The following NALF2 variants were observed in gnomAD, a reference collection of about 807,000 sequenced individuals.
The protein encoded by NALF2 is NALCN channel auxiliary factor 2.
A neutral mutation model predicts 24.8 loss-of-function variants in NALF2; 1 was observed. The observed-to-expected ratio is 0.04, with a 90% CI of 0.01 to 0.19. The LOEUF (loss-of-function observed/expected upper bound fraction) is 0.19. Among genes scored for constraint, NALF2 ranks in the 10% least tolerant of loss-of-function variants. NALF2 has a pLI of 1.00. For synonymous variants in NALF2, 254 were observed against 189.8 expected (o/e 1.34, Z -2.78); for missense variants, 458 against 409.6 (o/e 1.12, Z -1.02).
intron 1 of NALF2, among the ~76,000 whole-genome samples, chrX:69,522,552 G>T (rs1930748050): frequency 8.9e-6 from 1 of 112,131 alleles, no homozygotes; most frequent in South Asian, 3.7e-4. Context: ...TGAGAAGCAG[G>T]ACAGCTGTTG....
chrX:69,528,856 C>A, intron 1 of NALF2, 137 bp from the exon 2 acceptor site: 1 of 557,942 alleles, frequency 1.8e-6, no homozygotes, highest in Non-Finnish European at 2.7e-6. Context: ...CCAAGCCCTT[C>A]TTCCTCTCTA....
At chrX:69,508,324 G>C (rs899338312) in intron 1 of NALF2, among the ~76,000 whole-genome samples, 1 of 111,553 alleles carries the variant, frequency 9.0e-6, no homozygotes, top group Non-Finnish European at 1.9e-5. Context: ...GGTGCAAGGG[G>C]ATCAAATGGT....
chrX:69,525,982 TC>T (rs1318338388), intron 1 of NALF2, among the ~76,000 whole-genome samples: 1 of 111,204 alleles, frequency 9.0e-6, no homozygotes, highest in Non-Finnish European at 1.9e-5. Context: ...CTTTTCCCGT[TC>T]CTTTTCACAT....
chrX:69,528,668 T>G (rs987146571), intron 1 of NALF2, among the ~76,000 whole-genome samples: 1 of 112,218 alleles, frequency 8.9e-6, no homozygotes, highest in Non-Finnish European at 1.9e-5. Context: ...TTGGACCAAG[T>G]GTAAAATGAC....
At chrX:69,527,866 T>C (rs1930830355) in intron 1 of NALF2, among the ~76,000 whole-genome samples, 1 of 111,947 alleles carries the variant, frequency 8.9e-6, no homozygotes, top group Admixed American at 9.4e-5. Context: ...ATGCTGCTGG[T>C]CCAGGTCCAC....
intron 1 of NALF2, among the ~76,000 whole-genome samples, chrX:69,509,118 T>C (rs1930541948): frequency 1.8e-5 from 2 of 112,167 alleles, no homozygotes; most frequent in African/African-American, 6.5e-5. Flanking sequence ...ATTTCCTTAA[T>C]GTGCAACTGA....
chrX:69,514,684 A>G (rs1383680438), intron 1 of NALF2, among the ~76,000 whole-genome samples: 1 of 111,911 alleles, frequency 8.9e-6, no homozygotes, highest in African/African-American at 3.3e-5. Flanking sequence ...TTTACATTAT[A>G]TTACATTTTA....
In NALF2 at chrX:69,505,809, C is replaced by T. The variant is rs1418908754; in HGVS notation, c.527C>T (p.Pro176Leu). 1.5e-5 allele frequency: 18 copies of T among 1,208,531 alleles called. No homozygotes were observed. Among genetic ancestry groups the T allele is most frequent in the Non-Finnish European group, 1.9e-5 (17 of 894,088 alleles). Residue 176 changes from proline (P) to leucine (L), a missense_variant, in exon 1 of 3, where the codon CCG becomes CTG. Physicochemically the swap from Pro to Leu is moderately conservative, Grantham distance 98. Coordinates refer to ENST00000252338, the MANE Select transcript of NALF2 (RefSeq NM_015686.3). ...CCCCCTGACTCCCTTTCCCGTGCCC[C>T]GGCCGAGTTCCCCTCCGCCAAAAAA... ...LRPPDSLSRA[P>L]AEFPSAKKNL...
chrX:69,529,135 A>T lies in NALF2; in HGVS notation c.1004A>T (p.Tyr335Phe). The T allele has an allele frequency of 8.3e-7, 1 of 1,210,544 alleles. No homozygotes were observed. Among genetic ancestry groups the T allele is most frequent in the Non-Finnish European group, 1.1e-6 (1 of 894,953 alleles). ...CTCCCCGACAATGAGGAAATGGTGT[A>T]CGGAGGGCTCCCTGGCTTTATCTGT... ...FILPDNEEMV[Y>F]GGLPGFICTG... Residue 335 changes from tyrosine (Y) to phenylalanine (F), a missense_variant, in exon 2 of 3, where the codon TAC becomes TTC. Physicochemically the swap from Tyr to Phe is conservative, Grantham distance 22 (BLOSUM62 3). Coordinates refer to ENST00000252338, the MANE Select transcript of NALF2 (RefSeq NM_015686.3).
Position 69,505,766 on chromosome X carries a change from C to G in NALF2, c.484C>G (p.Pro162Ala). Residue 162 changes from proline to alanine, a missense_variant, in exon 1 of 3, where the codon CCG (proline) becomes GCG (alanine). Physicochemically the swap from Pro to Ala is conservative, Grantham distance 27. Coordinates refer to ENST00000252338, the MANE Select transcript of NALF2 (RefSeq NM_015686.3). Reference protein sequence around the residue: ...SLQRLFEPTTPAPPLRPPDSL... With the variant: ...SLQRLFEPTTAAPPLRPPDSL... ...GCAGAGACTTTTCGAACCGACTACT[C>G]CGGCCCCCCCTCTGCGGCCCCCTGA... 2 of 1,211,625 alleles carry G rather than the reference C, an allele frequency of 1.7e-6. No individual in the cohort carries two copies. Among genetic ancestry groups the G allele is most frequent in the Non-Finnish European group, 2.2e-6 (2 of 895,220 alleles).
At position 69,531,392 on chromosome X, in the gene NALF2, C is replaced by T. The variant is rs776838131; in HGVS notation, c.*1436C>T. Reference sequence around the variant, plus strand: ...CCCCTTGGGAGCCATTAGCCTTGCTCTGGTCTGCTGTGTGGGGTTGGGGAG... The same window carrying T: ...CCCCTTGGGAGCCATTAGCCTTGCTTTGGTCTGCTGTGTGGGGTTGGGGAG... On this transcript the variant is annotated 3_prime_UTR_variant, in exon 3 of 3. Coordinates refer to ENST00000252338, the MANE Select transcript of NALF2 (RefSeq NM_015686.3). 1 of 112,612 alleles carries T rather than the reference C, an allele frequency of 8.9e-6. No homozygotes were observed. The highest frequency in any genetic ancestry group is 2.8e-4 in the East Asian group (1 of 3,554). 9.3% of individuals were successfully genotyped at this position (112,612 alleles called of 1,213,427 possible). A position where few individuals can be genotyped will look rare whatever the true frequency, so the allele number is the denominator to read the frequency against.
chrX:69,506,947 G>A (rs754441014), intron 1 of NALF2, among the ~76,000 whole-genome samples: 4 of 112,481 alleles, frequency 3.6e-5, no homozygotes, highest in Non-Finnish European at 7.5e-5. Flanking sequence ...AGACCGGCCC[G>A]CCTAGGGAAG....
chrX:69,530,037 A>C lies in NALF2; in HGVS notation c.*81A>C. ...GGTTGGGGGGGAGGGGGCTCCTCCC[A>C]TGGGAGGTGTAGGATAAGGTGGGGG... On this transcript the variant is annotated 3_prime_UTR_variant, in exon 3 of 3. Coordinates refer to ENST00000252338, the MANE Select transcript of NALF2 (RefSeq NM_015686.3). 1.3e-4 allele frequency: 56 copies of C among 430,069 alleles called. No individual in the cohort carries two copies. The highest frequency in any genetic ancestry group is 1.8e-4 in the Non-Finnish European group (49 of 274,010). The allele number at this position is 430,069 out of a possible 1,213,427, so 35.4% of individuals were successfully genotyped here.
chrX:69,507,128 A>G (rs1311473923), intron 1 of NALF2, among the ~76,000 whole-genome samples: 1 of 111,744 alleles, frequency 8.9e-6, no homozygotes, highest in Non-Finnish European at 1.9e-5. Flanking sequence ...TCAGATGACA[A>G]GGAGACCAGG....
At chrX:69,506,188 G>T in intron 1 of NALF2, 45 bp downstream of exon 1, 1 of 1,162,181 alleles carries the variant, frequency 8.6e-7, no homozygotes, top group South Asian at 1.9e-5. Flanking sequence ...CTGGGCAGCG[G>T]CAGCGGCCGC....
rs2147707411 is a variant in NALF2, at chrX:69,505,998, C to T, written c.716C>T (p.Ala239Val). 2.5e-6 allele frequency: 3 copies of T among 1,211,421 alleles called. No homozygotes were observed. Among genetic ancestry groups the T allele is most frequent in the Non-Finnish European group, 3.4e-6 (3 of 895,338 alleles). ...GTGGTGGCCAGCCCGGGCTCCGGGG[C>T]CTGGGAGGCGTGTAGCAACTGTATC... ...LAVVASPGSG[A>V]WEACSNCIEA... Residue 239 changes from alanine to valine, a missense_variant, in exon 1 of 3, where the codon GCC (alanine) becomes GTC (valine). By Grantham distance (64) the Ala-to-Val change is moderately conservative. Coordinates refer to ENST00000252338, the MANE Select transcript of NALF2 (RefSeq NM_015686.3).
chrX:69,523,359 T>C (rs1930758889), intron 1 of NALF2, among the ~76,000 whole-genome samples: 1 of 111,366 alleles, frequency 9.0e-6, no homozygotes, highest in Non-Finnish European at 1.9e-5. Context: ...AGAGTGGGGA[T>C]GATGATGCCC....
chrX:69,523,386 C>T (rs6625473), intron 1 of NALF2, among the ~76,000 whole-genome samples: 15,030 of 111,038 alleles, frequency 0.14, 1,301 homozygotes, highest in Admixed American at 0.4. Context: ...GGGCTGCAAG[C>T]GCCAGAGCCA....
chrX:69,511,648 TG>T (rs980503321), intron 1 of NALF2, among the ~76,000 whole-genome samples: 6 of 110,120 alleles, frequency 5.4e-5, no homozygotes, highest in Non-Finnish European at 9.5e-5. Flanking sequence ...CTCCTGAAGG[TG>T]GGGGTTGGGG....
Sources: allele counts gnomAD v4.1 joint callset (sites outside exome capture counted in the v4.1 genomes callset), GRCh38; gene constraint gnomAD v4.1.1; transcripts MANE v1.5; gene names NCBI Gene and HGNC (gene_info 2026-07-23, HGNC 2026-07-21).